Variants in TRIM13 observed in about 807,000 individuals in gnomAD.
TRIM13 encodes the protein tripartite motif containing 13.
TRIM13 carries 15 observed loss-of-function variants against 27.1 expected under a neutral mutation model. The observed-to-expected ratio is 0.55, with a 90% CI of 0.37 to 0.85. The LOEUF (loss-of-function observed/expected upper bound fraction) is 0.85. Ranked by LOEUF, TRIM13 falls within the 40% of genes least tolerant of loss-of-function variation. The pLI is 0.00. For synonymous variants in TRIM13, 193 were observed against 171.5 expected, an observed-to-expected ratio of 1.13 and a Z score of -0.98; for missense variants, 402 against 472.2, an observed-to-expected ratio of 0.85 and a Z score of 1.38.
intron 1 of TRIM13, among the ~76,000 whole-genome samples, chr13:50,007,065 C>G (rs1299986373): frequency 1.3e-5 from 2 of 151,830 alleles, no homozygotes; most frequent in Non-Finnish European, 2.9e-5. Flanking sequence ...GCCTGTAGTT[C>G]CCAGCTACTC....
intron 1 of TRIM13, among the ~76,000 whole-genome samples, chr13:50,005,540 T>C (rs1384785965): frequency 6.6e-6 from 1 of 151,200 alleles, no homozygotes; most frequent in Non-Finnish European, 1.5e-5. Context: ...CTGGCATGGT[T>C]GTAGGCGCGT....
In TRIM13 at chr13:50,016,579, G is replaced by C. The variant is rs1201420405; in HGVS notation, c.*3415G>C. 1.2e-5 allele frequency: 2 copies of C among 167,704 alleles called. No homozygotes were observed. Among genetic ancestry groups the C allele is most frequent in the Non-Finnish European group, 2.9e-5 (2 of 68,652 alleles). The allele number at this position is 167,704 out of a possible 1,614,324, so 10.4% of individuals were successfully genotyped here. A position where few individuals can be genotyped will look rare whatever the true frequency, so the allele number is the denominator to read the frequency against. The stretch of plus-strand genomic sequence containing the variant: ...GACAGATATATCTCATGGCAAATTT[G>C]GTATCCTGTTACAGCCTTGGCTCTT... On this transcript the variant is annotated 3_prime_UTR_variant, in exon 2 of 2. Transcript: ENST00000378182.
At chr13:50,009,749 A>AC (rs1875321600) in intron 1 of TRIM13, among the ~76,000 whole-genome samples, 3 of 136,788 alleles carry the variant, frequency 2.2e-5, no homozygotes, top group South Asian at 4.6e-4. Flanking sequence ...AAAAAAAAAA[A>AC]AAAAAAAAAC....
chr13:50,016,229 T>C lies in TRIM13; in HGVS notation c.*3065T>C. 1 of 602,542 alleles carries C rather than the reference T, an allele frequency of 1.7e-6. No homozygotes were observed. Among genetic ancestry groups the C allele is most frequent in the Non-Finnish European group, 3.0e-6 (1 of 338,014 alleles). 37.3% of individuals were successfully genotyped at this position (602,542 alleles called of 1,614,324 possible). On this transcript the variant is annotated 3_prime_UTR_variant, in exon 2 of 2. Transcript: ENST00000378182. Reference sequence around the variant, plus strand: ...GTTGGGTAGAATGACCAAATAATTATTTTCCAAACTGGGATACTTTTTAGA... The same window carrying C: ...GTTGGGTAGAATGACCAAATAATTACTTTCCAAACTGGGATACTTTTTAGA...
In TRIM13 at chr13:50,008,202, G is replaced by A. The variant is rs565101315; in HGVS notation, c.-6-3733G>A. On this transcript the variant is annotated intron_variant, in intron 1 of 1. Coordinates refer to ENST00000378182, the MANE Select transcript of TRIM13 (RefSeq NM_213590.3). ...TTACAGGCATGAGCCACCCGTGCCCGGCCAAGTATTCACTTTTTATCATAG... is the reference window on the plus strand; with the variant it reads ...TTACAGGCATGAGCCACCCGTGCCCAGCCAAGTATTCACTTTTTATCATAG... Among the ~76,000 whole-genome samples the A allele has an allele frequency of 9.6e-4, 146 of 152,156 alleles. 2 individuals carry two copies. Among genetic ancestry groups the A allele is most frequent in the South Asian group, 3.5e-3 (17 of 4,830 alleles).
Position 50,012,461 on chromosome 13 carries a change from TACTG to T in TRIM13, c.525_528del (p.Thr176LysfsTer6). 6.2e-7 allele frequency: 1 copy of T among 1,614,026 alleles called. No individual in the cohort carries two copies. Among genetic ancestry groups the T allele is most frequent in the Non-Finnish European group, 8.5e-7 (1 of 1,179,992 alleles). Reference sequence around the variant, plus strand: ...ACTAGTAAGAGGAAATCCCTACAGTTACTGACTAAAGATTCAGATAAAGTGAAGG... The same window carrying T: ...ACTAGTAAGAGGAAATCCCTACAGTTACTAAAGATTCAGATAAAGTGAAGG... On this transcript the variant is annotated frameshift_variant, in exon 2 of 2. Transcript: ENST00000378182. LOFTEE classifies it high-confidence loss of function.
chr13:50,015,870 T>C lies in TRIM13; in HGVS notation c.*2706T>C. 1 of 1,614,166 alleles carries C rather than the reference T, an allele frequency of 6.2e-7. No individual in the cohort carries two copies. The highest frequency in any genetic ancestry group is 8.5e-7 in the Non-Finnish European group (1 of 1,179,998). On this transcript the variant is annotated 3_prime_UTR_variant, in exon 2 of 2. Coordinates refer to ENST00000378182, the MANE Select transcript of TRIM13 (RefSeq NM_213590.3). Reference sequence around the variant, plus strand: ...AACACTCAAGCTTTTTTCAGGGTGTTTGGCTCTTGCAGCAAAACAATTGAG... The same window carrying C: ...AACACTCAAGCTTTTTTCAGGGTGTCTGGCTCTTGCAGCAAAACAATTGAG...
chr13:50,012,996 A>T lies in TRIM13; in HGVS notation c.1056A>T (p.Ser352=), dbSNP rs1285245518. The T allele has an allele frequency of 1.2e-6, 2 of 1,613,878 alleles. No homozygotes were observed. The change falls in exon 2 of 2, where the codon TCA becomes TCT. Residue 352 remains serine, a synonymous_variant. Coordinates refer to ENST00000378182, the MANE Select transcript of TRIM13 (RefSeq NM_213590.3). ...DDLATWKGCL[S]NFSSYLTKTA... is the part of the protein sequence containing the mutation. ...TGGCAACTTGGAAAGGCTGTCTTTC[A>T]AACTTCAGTTCCTATCTGACTAAAA...
At chr13:50,007,721 G>A (rs1484550545) in intron 1 of TRIM13, among the ~76,000 whole-genome samples, 5 of 149,410 alleles carry the variant, frequency 3.3e-5, no homozygotes, top group Non-Finnish European at 5.9e-5. Context: ...GGCGGAGGTT[G>A]CAGTGAGCCA....
chr13:50,008,380 T>C (rs1326867648), intron 1 of TRIM13, among the ~76,000 whole-genome samples: 3 of 152,170 alleles, frequency 2.0e-5, no homozygotes, highest in African/African-American at 7.2e-5. Flanking sequence ...TAAAATAAAC[T>C]TGTGGCCTGA....
chr13:50,007,515 G>A (rs1302672630), intron 1 of TRIM13, among the ~76,000 whole-genome samples: 3 of 148,668 alleles, frequency 2.0e-5, no homozygotes, highest in East Asian at 2.0e-4. Context: ...CGCCAGGCAC[G>A]GTGGCTCACC....
chr13:50,004,182 C>G (rs1017759317), intron 1 of TRIM13, among the ~76,000 whole-genome samples: 1 of 152,108 alleles, frequency 6.6e-6, no homozygotes, highest in East Asian at 1.9e-4. Context: ...AGCTTGAGGC[C>G]AAGTGCAGTG....
At position 50,012,725 on chromosome 13, in the gene TRIM13, T is replaced by A. The variant is rs1461886161; in HGVS notation, c.785T>A (p.Ile262Asn). ...GAGTTTAGAGAGAAAATCAAAGTAA[T>A]CAAGGAAACTCCTTTACCTCCCTCT... The part of the protein sequence containing the change: ...MQEFREKIKV[I>N]KETPLPPSNL... The change falls in exon 2 of 2, where the codon ATC becomes AAC. Residue 262 changes from isoleucine to asparagine, a missense_variant. By Grantham distance (149) the Ile-to-Asn change is moderately radical. Around this residue, in one of 2 missense-constraint regions of TRIM13, gnomAD observed 200 missense variants for 194.7 expected, o/e 1.03. Transcript: ENST00000378182. 2 of 1,614,050 alleles carry A rather than the reference T, an allele frequency of 1.2e-6. No individual in the cohort carries two copies.
chr13:50,013,152 T>A lies in TRIM13; in HGVS notation c.1212T>A (p.Tyr404Ter). 3 of 1,561,724 alleles carry A rather than the reference T, an allele frequency of 1.9e-6. No individual in the cohort carries two copies. Among genetic ancestry groups the A allele is most frequent in the Non-Finnish European group, 2.6e-6 (3 of 1,157,568 alleles). The change falls in exon 2 of 2, where the codon TAT (tyrosine) becomes TAA (stop). Residue 404 changes from tyrosine (Y) to a stop codon, truncating the protein, a stop_gained. Transcript: ENST00000378182. LOFTEE classifies it high-confidence loss of function. ...LNNVAEFVCK[Y>*]KLL ...ATGTGGCAGAATTTGTGTGCAAATATAAACTATTATAAAATCTGTTTCAAG... is the reference window on the plus strand; with the variant it reads ...ATGTGGCAGAATTTGTGTGCAAATAAAAACTATTATAAAATCTGTTTCAAG...
At position 50,012,719 on chromosome 13, in the gene TRIM13, A is replaced by C. The variant is rs143582732; in HGVS notation, c.779A>C (p.Lys260Thr). 1 of 1,614,012 alleles carries C rather than the reference A, an allele frequency of 6.2e-7. No homozygotes were observed. Among genetic ancestry groups the C allele is most frequent in the Admixed American group, 1.7e-5 (1 of 60,000 alleles). The change falls in exon 2 of 2, where the codon AAA (lysine) becomes ACA (threonine). Residue 260 changes from lysine (K) to threonine (T), a missense_variant. By Grantham distance (78) the Lys-to-Thr change is moderately conservative. Around this residue, in one of 2 missense-constraint regions of TRIM13, gnomAD observed 200 missense variants for 194.7 expected, o/e 1.03. Coordinates refer to ENST00000378182, the MANE Select transcript of TRIM13 (RefSeq NM_213590.3). ...QQMQEFREKI[K>T]VIKETPLPPS... is the part of the protein sequence containing the mutation. ...ATGCAGGAGTTTAGAGAGAAAATCA[A>C]AGTAATCAAGGAAACTCCTTTACCT...
chr13:49,997,121 A>G lies in TRIM13; in HGVS notation c.-649A>G. The G allele has an allele frequency of 6.6e-6, 1 of 151,754 alleles. No individual in the cohort carries two copies. The highest frequency in any genetic ancestry group is 1.5e-5 in the Non-Finnish European group (1 of 67,966). The allele number at this position is 151,754 out of a possible 1,614,324, so 9.4% of individuals were successfully genotyped here. On this transcript the variant is annotated 5_prime_UTR_variant, in exon 1 of 2. Transcript: ENST00000378182. ...GACGGGCGGTCGCGCGGCCTTTCCC[A>G]CTAGCCGGAGGTCGGAGATAAGTAC...
In TRIM13 at chr13:50,015,426, CA is replaced by C; in HGVS notation, c.*2263del. The C allele has an allele frequency of 8.6e-7, 1 of 1,165,308 alleles. No individual in the cohort carries two copies. The allele number at this position is 1,165,308 out of a possible 1,614,324, so 72.2% of individuals were successfully genotyped here. A position where few individuals can be genotyped will look rare whatever the true frequency, so the allele number is the denominator to read the frequency against. Reference sequence around the variant, plus strand: ...CTGCATAATCATGTATAACTAGCAACATTTATGGTTATAGGTTGATTTCCTA... The same window carrying C: ...CTGCATAATCATGTATAACTAGCAACTTTATGGTTATAGGTTGATTTCCTA... On this transcript the variant is annotated 3_prime_UTR_variant, in exon 2 of 2. Coordinates refer to ENST00000378182, the MANE Select transcript of TRIM13 (RefSeq NM_213590.3).
rs1457099018 is a variant in TRIM13, at chr13:50,015,084, AAAAAAAAAAAATATATATATATATATAT to A, written c.*1922_*1949del. 25 of 54,734 alleles carry A rather than the reference AAAAAAAAAAAATATATATATATATATAT, an allele frequency of 4.6e-4. No homozygotes were observed. Among genetic ancestry groups the A allele is most frequent in the South Asian group, 3.3e-3 (4 of 1,196 alleles). The allele number at this position is 54,734 out of a possible 1,614,324, so 3.4% of individuals were successfully genotyped here. A position where few individuals can be genotyped will look rare whatever the true frequency, so the allele number is the denominator to read the frequency against. On this transcript the variant is annotated 3_prime_UTR_variant, in exon 2 of 2. Transcript: ENST00000378182. ...TTTCCCCTCCCAGTAATAAAAAAAA[AAAAAAAAAAAATATATATATATATATAT>A]ATATATATATATATATATATATATA...
intron 1 of TRIM13, among the ~76,000 whole-genome samples, chr13:50,003,801 A>G (rs1874337459): frequency 6.6e-6 from 1 of 152,226 alleles, no homozygotes; most frequent in Admixed American, 6.5e-5. Flanking sequence ...TTTGTTAAAA[A>G]TAAAACTGTA....
Sources: allele counts gnomAD v4.1 joint callset (sites outside exome capture counted in the v4.1 genomes callset), GRCh38; gene constraint gnomAD v4.1.1; regional missense constraint gnomAD v4.1.1; transcripts MANE v1.5; gene names NCBI Gene and HGNC (gene_info 2026-07-23, HGNC 2026-07-21).